LHFPL3: variants seen among roughly 807,000 people sequenced by gnomAD.
LHFPL3 encodes the protein LHFPL tetraspan subfamily member 3, also known as LHFPL tetraspan subfamily member 3 protein.
LHFPL3 carries 5 observed loss-of-function variants against 19.3 expected under a neutral mutation model. That is an observed-to-expected ratio of 0.26 (90% CI 0.14 to 0.54). The LOEUF (loss-of-function observed/expected upper bound fraction) is 0.54. Ranked by LOEUF, LHFPL3 falls within the 20% of genes least tolerant of loss-of-function variation. The probability of loss-of-function intolerance (pLI) is 0.94; values close to 1 mark genes in which losing one functional copy is unlikely to be tolerated. For synonymous variants in LHFPL3, 133 were observed against 126.2 expected (o/e 1.05, Z -0.36); for missense variants, 249 against 307.4 (o/e 0.81, Z 1.42).
At chr7:104,542,127 C>T (rs143163638) in intron 1 of LHFPL3, among the ~76,000 whole-genome samples, 251 of 151,854 alleles carry the variant, frequency 1.7e-3, no homozygotes, top group Non-Finnish European at 3.0e-3. Context: ...GCAGAAGAGC[C>T]GAGAGTGTCA....
At chr7:104,756,582 C>A (rs1463302043) in intron 2 of LHFPL3, among the ~76,000 whole-genome samples, 1 of 152,204 alleles carries the variant, frequency 6.6e-6, no homozygotes, top group Non-Finnish European at 1.5e-5. Flanking sequence ...TCACTGCAAC[C>A]TCCACCTCCC....
chr7:104,886,378 G>GT lies in LHFPL3; in HGVS notation c.683-19802dup, dbSNP rs375219439. Among the ~76,000 whole-genome samples the GT allele has an allele frequency of 6.2e-3, 941 of 152,070 alleles. 11 individuals are homozygous for GT. Among genetic ancestry groups the GT allele is most frequent in the African/African-American group, 0.021 (860 of 41,494 alleles). On this transcript the variant is annotated intron_variant, in intron 2 of 2. Transcript: ENST00000424859. ...CGTTGGTTTTATTTTGTTTTGTTTT[G>GT]TTTTTTTGAGACAGTCTTGCTCTAT...
intron 1 of LHFPL3, among the ~76,000 whole-genome samples, chr7:104,489,377 G>T (rs181915878): frequency 6.6e-6 from 1 of 152,032 alleles, no homozygotes; most frequent in East Asian, 1.9e-4. Context: ...TTGAACAAGG[G>T]ACTCTGCATT....
chr7:104,450,086 C>G (rs1184193377), intron 1 of LHFPL3, among the ~76,000 whole-genome samples: 1 of 152,116 alleles, frequency 6.6e-6, no homozygotes, highest in South Asian at 2.1e-4. Flanking sequence ...AATTTATTTT[C>G]TATACTTTTT....
chr7:104,630,825 A>G (rs534247075), intron 1 of LHFPL3, among the ~76,000 whole-genome samples: 59 of 152,274 alleles, frequency 3.9e-4, no homozygotes, highest in African/African-American at 1.4e-3. Context: ...TAAAGAATAT[A>G]AGAATATCAG....
At chr7:104,445,564 C>T (rs1792315428) in intron 1 of LHFPL3, among the ~76,000 whole-genome samples, 1 of 152,156 alleles carries the variant, frequency 6.6e-6, no homozygotes, top group Non-Finnish European at 1.5e-5. Context: ...GAAATGGTGC[C>T]TGTCCCTAGA....
chr7:104,571,470 G>A (rs932630765), intron 1 of LHFPL3, among the ~76,000 whole-genome samples: 20 of 151,924 alleles, frequency 1.3e-4, no homozygotes, highest in Admixed American at 3.3e-4. Context: ...CCCTCCTTTC[G>A]CCAGCTTTTC....
chr7:104,370,339 G>T (rs1423719651), intron 1 of LHFPL3, among the ~76,000 whole-genome samples: 1 of 152,156 alleles, frequency 6.6e-6, no homozygotes, highest in African/African-American at 2.4e-5. Context: ...AGAGGTTGGG[G>T]AGACTGATGG....
rs192281755 is a variant in LHFPL3 at position 104,638,168 on chromosome 7, G to A, written c.446-98507G>A. Among the ~76,000 whole-genome samples, 371 of 152,156 alleles carry A rather than the reference G, an allele frequency of 2.4e-3. 2 individuals carry two copies. The highest frequency in any genetic ancestry group is 8.3e-3 in the African/African-American group (346 of 41,528). On this transcript the variant is annotated intron_variant, in intron 1 of 2. Transcript: ENST00000424859. Reference sequence around the variant, plus strand: ...TTGTGGCAATTGTGAATGAAATTACGTTCTTTGATTTGGCTCTCAGCTTGG... The same window carrying A: ...TTGTGGCAATTGTGAATGAAATTACATTCTTTGATTTGGCTCTCAGCTTGG...
chr7:104,592,404 G>T (rs1004731686), intron 1 of LHFPL3, among the ~76,000 whole-genome samples: 1 of 151,082 alleles, frequency 6.6e-6, no homozygotes. Flanking sequence ...GACCCTGTTT[G>T]CCTGGGTATC....
intron 2 of LHFPL3, chr7:104,738,622 T>C (rs1213642826): frequency 1.3e-5 from 2 of 152,184 alleles, no homozygotes; most frequent in Non-Finnish European, 2.9e-5. Context: ...AGATTTTTAC[T>C]TGGGAATTGA....
intron 1 of LHFPL3, among the ~76,000 whole-genome samples, chr7:104,624,463 C>G (rs187546296): frequency 6.6e-6 from 1 of 152,290 alleles, no homozygotes; most frequent in Admixed American, 6.5e-5. Context: ...TCCTCCCAAG[C>G]TCTACAGAGA....
rs141925362 is a variant in LHFPL3 at position 104,786,053 on chromosome 7, C to T, written c.682+49142C>T. ...TGTCAGACCCTCTGTGTGGAAAGAC[C>T]GTCCACTATTCCCAACCTTCCCTTC... On this transcript the variant is annotated intron_variant, in intron 2 of 2. Transcript: ENST00000424859. Among the ~76,000 whole-genome samples, 8 of 152,284 alleles carry T rather than the reference C, an allele frequency of 5.3e-5. No individual in the cohort carries two copies. The East Asian group carries it at 1.5e-3, about 29-fold the overall frequency.
At chr7:104,749,305 A>G (rs1584512937) in intron 2 of LHFPL3, among the ~76,000 whole-genome samples, 2 of 152,418 alleles carry the variant, frequency 1.3e-5, no homozygotes, top group Admixed American at 6.5e-5. Context: ...TCGTTTCTGT[A>G]GCACATAAAA....
At chr7:104,594,952 A>C (rs1001083467) in intron 1 of LHFPL3, among the ~76,000 whole-genome samples, 1 of 152,098 alleles carries the variant, frequency 6.6e-6, no homozygotes, top group South Asian at 2.1e-4. Context: ...TCTCTTTTCA[A>C]CGTTTTCAGC....
intron 2 of LHFPL3, among the ~76,000 whole-genome samples, chr7:104,828,903 T>G (rs1790876709): frequency 6.6e-6 from 1 of 151,558 alleles, no homozygotes; most frequent in South Asian, 2.1e-4. Flanking sequence ...GGCATGATGG[T>G]GCACGCCTGT....
At chr7:104,801,695 C>A (rs1351311033) in intron 2 of LHFPL3, among the ~76,000 whole-genome samples, 1 of 152,078 alleles carries the variant, frequency 6.6e-6, no homozygotes, top group Non-Finnish European at 1.5e-5. Context: ...CTCAGCCTCC[C>A]AAGTAGTTGG....
intron 1 of LHFPL3, among the ~76,000 whole-genome samples, chr7:104,401,201 A>T (rs948392548): frequency 1.3e-5 from 2 of 152,222 alleles, no homozygotes; most frequent in Non-Finnish European, 2.9e-5. Context: ...CTTTAAACAC[A>T]ATAGAACATG....
At chr7:104,550,118 C>T (rs757374789) in intron 1 of LHFPL3, among the ~76,000 whole-genome samples, 1 of 152,090 alleles carries the variant, frequency 6.6e-6, no homozygotes, top group African/African-American at 2.4e-5. Context: ...CTGCAGAAAC[C>T]CTTTTTGCTT....
Sources: allele counts gnomAD v4.1 joint callset (sites outside exome capture counted in the v4.1 genomes callset), GRCh38; gene constraint gnomAD v4.1.1; transcripts MANE v1.5; gene names NCBI Gene and HGNC (gene_info 2026-07-23, HGNC 2026-07-21).